LRRC4C: variants seen among roughly 807,000 people sequenced by gnomAD.
LRRC4C encodes leucine-rich repeat-containing protein 4C.
A neutral mutation model predicts 33.6 loss-of-function variants in LRRC4C; 5 were observed. That is an observed-to-expected ratio of 0.15 (90% CI 0.08 to 0.31). The LOEUF (loss-of-function observed/expected upper bound fraction) is 0.31. LRRC4C is among the 10% of genes least tolerant of loss of function. The pLI, the probability that LRRC4C is intolerant of heterozygous loss-of-function variation, is 1.00. For synonymous variants in LRRC4C, 329 were observed against 302.0 expected (o/e 1.09, Z -0.93); for missense variants, 560 against 796.7 (o/e 0.70, Z 3.58).
intron 3 of LRRC4C, among the ~76,000 whole-genome samples, chr11:40,432,933 T>C (rs1391033750): frequency 6.6e-6 from 1 of 152,056 alleles, no homozygotes; most frequent in African/African-American, 2.4e-5. Context: ...TCAATAAGTT[T>C]ATTTATTTTC....
intron 1 of LRRC4C, among the ~76,000 whole-genome samples, chr11:41,372,412 A>T (rs1275087503): frequency 6.6e-6 from 1 of 152,230 alleles, no homozygotes; most frequent in Non-Finnish European, 1.5e-5. Context: ...ACTGAAAGTT[A>T]GACAGGTTTC....
chr11:41,280,886 A>C (rs1210519997), intron 1 of LRRC4C, among the ~76,000 whole-genome samples: 1 of 152,156 alleles, frequency 6.6e-6, no homozygotes, highest in Non-Finnish European at 1.5e-5. Context: ...TTAGAAGCAA[A>C]TAGCATTTTG....
chr11:40,923,441 T>G (rs542322519), intron 2 of LRRC4C, among the ~76,000 whole-genome samples: 4 of 152,218 alleles, frequency 2.6e-5, no homozygotes, highest in Non-Finnish European at 5.9e-5. Flanking sequence ...ACCAATAATG[T>G]GTGAGTAGAA....
intron 1 of LRRC4C, among the ~76,000 whole-genome samples, chr11:41,185,872 T>TA (rs1452841426): frequency 6.6e-6 from 1 of 151,248 alleles, no homozygotes; most frequent in Non-Finnish European, 1.5e-5. Flanking sequence ...ACCAAAATTT[T>TA]AAAAAAAGAA....
rs61887567 is a variant in LRRC4C, at chr11:40,966,158, G to A, written c.-495-32435C>T. Among the ~76,000 whole-genome samples, 1,486 of 152,048 alleles carry A rather than the reference G, an allele frequency of 9.8e-3. 9 individuals carry two copies. Among genetic ancestry groups the A allele is most frequent in the Middle Eastern group, 0.031 (9 of 294 alleles). On this transcript the variant is annotated intron_variant, in intron 1 of 6. Transcript: ENST00000528697. ...CGAGTAGAGATGATCAAGAGTAGACGTAATTTCATTAGCATGTTACAGGCT... is the reference window on the plus strand; with the variant it reads ...CGAGTAGAGATGATCAAGAGTAGACATAATTTCATTAGCATGTTACAGGCT...
rs901028586 is a variant in LRRC4C at position 40,114,574 on chromosome 11, A to G, written c.1719T>C (p.Asp573=). The change falls in exon 7 of 7, where the codon GAT becomes GAC. Residue 573 remains aspartate, a synonymous_variant. Transcript: ENST00000528697. Reference sequence around the variant, plus strand: ...CCATGGGTGTGTCTCCCGTAATCTCATCATCCACATTAATAATTTCAACAG... The same window carrying G: ...CCATGGGTGTGTCTCCCGTAATCTCGTCATCCACATTAATAATTTCAACAG... ...TRTVEIINVD[D]EITGDTPMES... is the part of the protein sequence containing the mutation. 8 of 1,614,064 alleles carry G rather than the reference A, an allele frequency of 5.0e-6. No individual in the cohort carries two copies. Among genetic ancestry groups the G allele is most frequent in the Non-Finnish European group, 6.8e-6 (8 of 1,180,038 alleles).
At chr11:41,373,133 A>G (rs1323743422) in intron 1 of LRRC4C, among the ~76,000 whole-genome samples, 1 of 152,150 alleles carries the variant, frequency 6.6e-6, no homozygotes, top group African/African-American at 2.4e-5. Context: ...GAAAGAGTAG[A>G]GTCTATTTAG....
intron 3 of LRRC4C, among the ~76,000 whole-genome samples, chr11:40,459,456 T>C (rs1426084611): frequency 6.6e-6 from 1 of 152,160 alleles, no homozygotes; most frequent in African/African-American, 2.4e-5. Context: ...GCATTATAAC[T>C]TATTAAATGA....
At chr11:40,214,437 C>A (rs187193411) in intron 5 of LRRC4C, among the ~76,000 whole-genome samples, 15 of 152,246 alleles carry the variant, frequency 9.9e-5, no homozygotes, top group Middle Eastern at 3.4e-3. Flanking sequence ...GGCCTCTCAA[C>A]TTCCTTTGAC....
intron 3 of LRRC4C, among the ~76,000 whole-genome samples, chr11:40,459,824 C>A (rs961598903): frequency 2.0e-5 from 3 of 152,204 alleles, no homozygotes; most frequent in Non-Finnish European, 4.4e-5. Flanking sequence ...AGAGCAAGAG[C>A]AGCCACCTGT....
intron 3 of LRRC4C, among the ~76,000 whole-genome samples, chr11:40,371,624 T>C (rs910093259): frequency 6.6e-6 from 1 of 152,218 alleles, no homozygotes; most frequent in Non-Finnish European, 1.5e-5. Flanking sequence ...TTAACTCTTA[T>C]TGAGCCAACA....
At chr11:40,634,722 A>T (rs916460606) in intron 3 of LRRC4C, among the ~76,000 whole-genome samples, 23 of 149,786 alleles carry the variant, frequency 1.5e-4, no homozygotes, top group Non-Finnish European at 2.2e-4. Flanking sequence ...TAAGAAAATA[A>T]AAAAAAAAAA....
At chr11:40,346,168 A>T (rs1947119953) in intron 3 of LRRC4C, among the ~76,000 whole-genome samples, 1 of 152,184 alleles carries the variant, frequency 6.6e-6, no homozygotes, top group Admixed American at 6.6e-5. Flanking sequence ...AAAGACAGAA[A>T]TACCATTTCA....
chr11:41,184,244 T>C (rs534241585), intron 1 of LRRC4C, among the ~76,000 whole-genome samples: 1 of 151,292 alleles, frequency 6.6e-6, no homozygotes, highest in African/African-American at 2.4e-5. Context: ...AAATTTCTCT[T>C]CAGAAAATGC....
At chr11:40,232,310 T>G (rs912118950) in intron 5 of LRRC4C, among the ~76,000 whole-genome samples, 1 of 152,098 alleles carries the variant, frequency 6.6e-6, no homozygotes, top group Non-Finnish European at 1.5e-5. Flanking sequence ...CTGGCCAAAG[T>G]CAACATTTTT....
At chr11:40,208,698 C>T (rs1295052111) in intron 5 of LRRC4C, among the ~76,000 whole-genome samples, 1 of 152,054 alleles carries the variant, frequency 6.6e-6, no homozygotes, top group Non-Finnish European at 1.5e-5. Context: ...ACAAGTATTG[C>T]CCCAGATACC....
chr11:40,765,627 T>C (rs1314217779), intron 2 of LRRC4C, among the ~76,000 whole-genome samples: 1 of 151,942 alleles, frequency 6.6e-6, no homozygotes, highest in African/African-American at 2.4e-5. Context: ...AACAAAGTGA[T>C]TAGAAAAATT....
At chr11:40,408,839 A>G (rs993379730) in intron 3 of LRRC4C, among the ~76,000 whole-genome samples, 4 of 152,000 alleles carry the variant, frequency 2.6e-5, no homozygotes, top group Non-Finnish European at 5.9e-5. Flanking sequence ...CTCCCAAAGC[A>G]ATATACCAGA....
chr11:41,078,866 G>A (rs558519079), intron 1 of LRRC4C, among the ~76,000 whole-genome samples: 22 of 152,048 alleles, frequency 1.4e-4, no homozygotes, highest in African/African-American at 3.9e-4. Flanking sequence ...TGAATTTTTC[G>A]CCACCTCAAC....
Sources: gnomAD v4.1 joint callset for allele counts (sites outside exome capture counted in the v4.1 genomes callset) on GRCh38, gnomAD v4.1.1 for gene constraint, MANE v1.5 for transcripts, NCBI Gene and HGNC (gene_info 2026-07-23, HGNC 2026-07-21) for gene names.